Variants in RNF2 observed in about 807,000 individuals in gnomAD.
RNF2 encodes the protein ring finger protein 2.
RNF2 carries 6 observed loss-of-function variants against 37.2 expected under a neutral mutation model. That is an observed-to-expected ratio of 0.16 (90% confidence interval 0.09 to 0.32). The LOEUF is 0.32. Ranked by LOEUF, RNF2 falls within the 10% of genes least tolerant of loss-of-function variation. RNF2 has a pLI of 1.00. For synonymous variants in RNF2, 133 were observed against 132.7 expected (o/e 1.00, Z -0.02); for missense variants, 251 against 404.0 (o/e 0.62, Z 3.25).
chr1:185,069,041 C>T (rs1288381007), intron 1 of RNF2, among the ~76,000 whole-genome samples: 1 of 152,304 alleles, frequency 6.6e-6, no homozygotes, highest in East Asian at 1.9e-4. Context: ...TGCCTTCTCC[C>T]TCATAACTAC....
intron 1 of RNF2, among the ~76,000 whole-genome samples, chr1:185,076,265 G>GTTTTTTTT (rs1557967374): frequency 1.0e-4 from 4 of 39,554 alleles, no homozygotes; most frequent in African/African-American, 2.4e-4. Context: ...TCTTTTATGG[G>GTTTTTTTT]TTGTTTTTTT....
At position 185,077,625 on chromosome 1, in the gene RNF2, G is replaced by GTTTTTTTTTTTTTTTTTTT. The variant is rs528747420; in HGVS notation, c.-2-9914_-2-9913insTTTTTTTTTTTTTTTTTTT. 1.6e-4 allele frequency among the ~76,000 whole-genome samples: 19 copies of GTTTTTTTTTTTTTTTTTTT among 115,666 alleles called. 2 individuals carry two copies. The highest frequency in any genetic ancestry group is 6.2e-4 in the African/African-American group (19 of 30,484). The allele number at this position is 115,666 out of a possible 152,430, so 75.9% of individuals were successfully genotyped here. On this transcript the variant is annotated intron_variant, in intron 1 of 6. Coordinates refer to ENST00000367510, the MANE Select transcript of RNF2 (RefSeq NM_007212.4). ...TTTTTAATTGTTAGGAATTAACTTT[G>GTTTTTTTTTTTTTTTTTTT]TTTTTTTTTTTTTGGCTAGAAATTT... is the stretch of plus-strand genomic sequence containing the variant.
intron 3 of RNF2, among the ~76,000 whole-genome samples, chr1:185,092,349 G>A (rs1651790856): frequency 1.3e-5 from 2 of 151,658 alleles, no homozygotes; most frequent in South Asian, 4.2e-4. Flanking sequence ...GCTAATGTTT[G>A]TATTTTTAGT....
chr1:185,087,886 C>T (rs1457260674), intron 2 of RNF2, among the ~76,000 whole-genome samples: 4 of 152,158 alleles, frequency 2.6e-5, no homozygotes, highest in African/African-American at 9.7e-5. Flanking sequence ...CAACCATGGA[C>T]TTTACAGACA....
intron 1 of RNF2, among the ~76,000 whole-genome samples, chr1:185,051,657 A>G (rs1171114415): frequency 6.6e-6 from 1 of 151,052 alleles, no homozygotes; most frequent in Non-Finnish European, 1.5e-5. Context: ...GGGGTGTGGG[A>G]GGAGTTGTGG....
At chr1:185,054,565 C>G (rs1282775962) in intron 1 of RNF2, among the ~76,000 whole-genome samples, 1 of 152,222 alleles carries the variant, frequency 6.6e-6, no homozygotes, top group African/African-American at 2.4e-5. Flanking sequence ...TTCCTCAGCT[C>G]TGAAATGGCG....
At chr1:185,072,059 T>C (rs1226734688) in intron 1 of RNF2, 1 of 152,522 alleles carries the variant, frequency 6.6e-6, no homozygotes, top group African/African-American at 2.4e-5. Context: ...GGGGTTGCTG[T>C]CATCATGGGA....
chr1:185,073,877 C>G (rs1239913154), intron 1 of RNF2, among the ~76,000 whole-genome samples: 1 of 152,178 alleles, frequency 6.6e-6, no homozygotes, highest in Admixed American at 6.5e-5. Flanking sequence ...TGATTCAGTT[C>G]AGTGGTTACG....
intron 1 of RNF2, among the ~76,000 whole-genome samples, chr1:185,083,163 C>A (rs537158704): frequency 5.0e-4 from 76 of 152,222 alleles, no homozygotes; most frequent in Non-Finnish European, 9.1e-4. Context: ...CTTGCTTTAT[C>A]TACTAATATC....
intron 1 of RNF2, among the ~76,000 whole-genome samples, chr1:185,047,223 C>T (rs1199012422): frequency 1.3e-5 from 2 of 152,112 alleles, no homozygotes; most frequent in African/African-American, 2.4e-5. Context: ...GGCAGATTTA[C>T]GAAGAAAAAT....
At chr1:185,054,615 C>T (rs1440696833) in intron 1 of RNF2, among the ~76,000 whole-genome samples, 1 of 152,208 alleles carries the variant, frequency 6.6e-6, no homozygotes, top group African/African-American at 2.4e-5. Flanking sequence ...GAGGCGGGGC[C>T]TGAATTCCTA....
intron 1 of RNF2, among the ~76,000 whole-genome samples, chr1:185,046,939 G>A (rs2102145977): frequency 6.6e-6 from 1 of 152,294 alleles, no homozygotes; most frequent in South Asian, 2.1e-4. Context: ...AGTGAAATTT[G>A]ATCCTTGGAT....
chr1:185,085,913 A>G (rs1190671356), intron 1 of RNF2, among the ~76,000 whole-genome samples: 2 of 152,160 alleles, frequency 1.3e-5, no homozygotes, highest in Admixed American at 6.5e-5. Flanking sequence ...TGGCCTTCCA[A>G]AGTGCTGGGA....
Position 185,057,065 on chromosome 1 carries a change from T to C in RNF2, c.-3+11416T>C, listed in dbSNP as rs537098313. On this transcript the variant is annotated intron_variant, in intron 1 of 6. Transcript: ENST00000367510. Reference sequence around the variant, plus strand: ...GGCTCATGCCTGTAATCCAGTACTTTGGGAGGCAGAAGCAGGAGGATCACT... The same window carrying C: ...GGCTCATGCCTGTAATCCAGTACTTCGGGAGGCAGAAGCAGGAGGATCACT... 3.2e-4 allele frequency among the ~76,000 whole-genome samples: 49 copies of C among 152,274 alleles called. 1 individual carries two copies. In the South Asian group the frequency reaches 0.01, roughly 32 times the overall value.
intron 5 of RNF2, 50 bp from the exon 6 acceptor site, chr1:185,099,741 T>C (rs778626107): frequency 1.2e-5 from 17 of 1,472,144 alleles, no homozygotes; most frequent in Non-Finnish European, 1.6e-5. Flanking sequence ...AGTACATTTT[T>C]CTCATTGGCA....
At chr1:185,077,621 C>CTTTATTTT (rs1553241118) in intron 1 of RNF2, among the ~76,000 whole-genome samples, 1 of 111,590 alleles carries the variant, frequency 9.0e-6, no homozygotes, top group African/African-American at 3.9e-5. Flanking sequence ...TAGGAATTAA[C>CTTTATTTT]TTTGTTTTTT....
In RNF2 at chr1:185,085,145, C is replaced by CTTTTT. The variant is rs71555455; in HGVS notation, c.-2-2390_-2-2386dup. The stretch of plus-strand genomic sequence containing the variant: ...CCATATTTGACCCTTCTTTCTTTTT[C>CTTTTT]TTTTTTTTTTTTTTTTTTTTTGAGA... On this transcript the variant is annotated intron_variant, in intron 1 of 6. Coordinates refer to ENST00000367510, the MANE Select transcript of RNF2 (RefSeq NM_007212.4). 2.7e-3 allele frequency among the ~76,000 whole-genome samples: 274 copies of CTTTTT among 103,160 alleles called. 3 individuals carry two copies. The highest frequency in any genetic ancestry group is 7.1e-3 in the East Asian group (26 of 3,670). 67.7% of individuals were successfully genotyped at this position (103,160 alleles called of 152,430 possible). A position where few individuals can be genotyped will look rare whatever the true frequency, so the allele number is the denominator to read the frequency against.
intron 3 of RNF2, among the ~76,000 whole-genome samples, chr1:185,092,444 A>G (rs1030634163): frequency 3.9e-5 from 6 of 152,056 alleles, no homozygotes. Flanking sequence ...CAAAGTACTG[A>G]GATTACAGGC....
At chr1:185,048,178 G>A (rs1231626667) in intron 1 of RNF2, among the ~76,000 whole-genome samples, 1 of 152,192 alleles carries the variant, frequency 6.6e-6, no homozygotes, top group Non-Finnish European at 1.5e-5. Context: ...TTAAGTAGAA[G>A]CTAGTGTTAG....
Sources: gnomAD v4.1 joint callset for allele counts (sites outside exome capture counted in the v4.1 genomes callset) on GRCh38, gnomAD v4.1.1 for gene constraint, MANE v1.5 for transcripts, NCBI Gene and HGNC (gene_info 2026-07-23, HGNC 2026-07-21) for gene names.